The following RFX3 variants were observed in gnomAD, a reference collection of about 807,000 sequenced individuals.
The protein encoded by RFX3 is regulatory factor X3, also known as transcription factor RFX3.
A neutral mutation model predicts 98.6 loss-of-function variants in RFX3; 14 were observed. The observed-to-expected ratio is 0.14, with a 90% CI of 0.09 to 0.22. RFX3 has a LOEUF of 0.22. Among genes scored for constraint, RFX3 ranks in the 10% least tolerant of loss-of-function variants. RFX3 has a pLI of 1.00. For missense variants in RFX3, 639 were observed against 926.9 expected, an observed-to-expected ratio of 0.69 and a Z score of 4.03; for synonymous variants, 383 against 328.4, an observed-to-expected ratio of 1.17 and a Z score of -1.80.
chr9:3,393,455 G>C (rs957584086), intron 2 of RFX3, among the ~76,000 whole-genome samples: 1 of 152,220 alleles, frequency 6.6e-6, no homozygotes, highest in African/African-American at 2.4e-5. Context: ...TCACACTCTT[G>C]TTAGTGATAG....
chr9:3,248,406 G>A (rs898594700), intron 14 of RFX3, among the ~76,000 whole-genome samples: 1 of 152,158 alleles, frequency 6.6e-6, no homozygotes, highest in African/African-American at 2.4e-5. Flanking sequence ...ATTCAAGATA[G>A]ATAGTCTTAA....
chr9:3,318,733 C>T (rs1376183610), intron 4 of RFX3, among the ~76,000 whole-genome samples: 3 of 152,166 alleles, frequency 2.0e-5, no homozygotes, highest in Admixed American at 6.5e-5. Flanking sequence ...AGTTATTATG[C>T]TTTCAACCTG....
At chr9:3,337,339 T>C (rs1833307276) in intron 3 of RFX3, among the ~76,000 whole-genome samples, 1 of 152,202 alleles carries the variant, frequency 6.6e-6, no homozygotes, top group Non-Finnish European at 1.5e-5. Flanking sequence ...GCAGCCAGAA[T>C]GAGCAACTTT....
chr9:3,354,754 A>G lies in RFX3; in HGVS notation c.118-7990T>C, dbSNP rs553122054. ...GAATACTAGATGGAAACTGAGATCTACATAAAGAAATGAGAAACATCAGAA... is the reference window on the plus strand; with the variant it reads ...GAATACTAGATGGAAACTGAGATCTGCATAAAGAAATGAGAAACATCAGAA... On this transcript the variant is annotated intron_variant, in intron 2 of 16. Transcript: ENST00000617270. 1.1e-4 allele frequency among the ~76,000 whole-genome samples: 17 copies of G among 152,076 alleles called. No individual in the cohort carries two copies. The South Asian group carries it at 2.9e-3, about 26-fold the overall frequency.
In RFX3 at chr9:3,225,085, A is replaced by T; in HGVS notation, c.2207T>A (p.Ile736Asn). The T allele has an allele frequency of 3.7e-6, 6 of 1,613,966 alleles. No individual in the cohort carries two copies. Among genetic ancestry groups the T allele is most frequent in the Non-Finnish European group, 5.1e-6 (6 of 1,179,932 alleles). Residue 736 changes from isoleucine (I) to asparagine (N), a missense_variant, in exon 17 of 17, where the codon ATC becomes AAC. This residue lies in a region of RFX3 where 129 missense variants were observed against 124.6 expected (regional missense o/e 1.04). Coordinates refer to ENST00000617270, the MANE Select transcript of RFX3 (RefSeq NM_001282116.2). ...SEHIVTSTQTIRQCSATGNTY... is the reference protein window; with the variant it reads ...SEHIVTSTQTNRQCSATGNTY... Reference sequence around the variant, plus strand: ...ATTTCCTGTAGCGCTGCACTGTCTGATAGTCTGAGTACTTGTGACAATGTG... The same window carrying T: ...ATTTCCTGTAGCGCTGCACTGTCTGTTAGTCTGAGTACTTGTGACAATGTG...
Position 3,504,882 on chromosome 9 carries a change from T to C in RFX3, c.-9+20865A>G, listed in dbSNP as rs1307913978. Among the ~76,000 whole-genome samples the C allele has an allele frequency of 9.9e-5, 7 of 70,834 alleles. 1 individual carries two copies. Among genetic ancestry groups the C allele is most frequent in the East Asian group, 1.5e-3 (2 of 1,360 alleles). The allele number at this position is 70,834 out of a possible 152,430, so 46.5% of individuals were successfully genotyped here. A position where few individuals can be genotyped will look rare whatever the true frequency, so the allele number is the denominator to read the frequency against. On this transcript the variant is annotated intron_variant, in intron 1 of 16. Coordinates refer to ENST00000617270, the MANE Select transcript of RFX3 (RefSeq NM_001282116.2). The stretch of plus-strand genomic sequence containing the variant: ...GATATAATATATATTATATATATTA[T>C]ATATAATATAACATATATTATATAT...
intron 2 of RFX3, among the ~76,000 whole-genome samples, chr9:3,355,607 T>C (rs1835656792): frequency 6.6e-6 from 1 of 151,888 alleles, no homozygotes; most frequent in South Asian, 2.1e-4. Context: ...ATTGGAGACT[T>C]CAGCATTCTT....
intron 2 of RFX3, among the ~76,000 whole-genome samples, chr9:3,352,897 C>T (rs976509533): frequency 1.3e-5 from 2 of 151,920 alleles, no homozygotes; most frequent in Admixed American, 1.3e-4. Context: ...CACGTGCACA[C>T]GTATGTTTAT....
chr9:3,414,671 TGTATATATGAGTATATATGTATATATGA>T (rs1842753317), intron 1 of RFX3, among the ~76,000 whole-genome samples: 1 of 111,386 alleles, frequency 9.0e-6, no homozygotes, highest in Non-Finnish European at 1.7e-5. Context: ...TGAGTATATA[TGTATATATGAGTATATATGTATATATGA>T]GTATATATGA....
At chr9:3,388,502 G>A (rs1025540229) in intron 2 of RFX3, among the ~76,000 whole-genome samples, 1 of 152,002 alleles carries the variant, frequency 6.6e-6, no homozygotes, top group Non-Finnish European at 1.5e-5. Context: ...TAACCAAAAA[G>A]AAACCAATAT....
intron 1 of RFX3, among the ~76,000 whole-genome samples, chr9:3,443,709 G>T (rs951110817): frequency 6.6e-6 from 1 of 152,006 alleles, no homozygotes; most frequent in Admixed American, 6.6e-5. Flanking sequence ...ATATTCCCTT[G>T]GCTATATACC....
chr9:3,405,186 T>C (rs1327175252), intron 1 of RFX3, among the ~76,000 whole-genome samples: 1 of 152,060 alleles, frequency 6.6e-6, no homozygotes, highest in African/African-American at 2.4e-5. Flanking sequence ...GAAGTTTAAT[T>C]GCGTCCCTTT....
chr9:3,219,521 C>A lies in RFX3; in HGVS notation c.*5521G>T, dbSNP rs1189454024. ...GAACCAAATAAAAGAAGAGACAAAA[C>A]ACATTTTTCTTTTTAAAAAAACATA... On this transcript the variant is annotated 3_prime_UTR_variant, in exon 17 of 17. Transcript: ENST00000617270. 2.7e-5 allele frequency: 4 copies of A among 148,740 alleles called. No individual in the cohort carries two copies. In the East Asian group the frequency reaches 7.9e-4, roughly 29 times the overall value. 9.2% of individuals were successfully genotyped at this position (148,740 alleles called of 1,614,324 possible). A position where few individuals can be genotyped will look rare whatever the true frequency, so the allele number is the denominator to read the frequency against.
At chr9:3,441,651 C>G (rs1251053105) in intron 1 of RFX3, among the ~76,000 whole-genome samples, 1 of 151,736 alleles carries the variant, frequency 6.6e-6, no homozygotes, top group Non-Finnish European at 1.5e-5. Context: ...GAACGAGTAA[C>G]AAAATAACGT....
At chr9:3,506,688 A>G (rs1817133040) in intron 1 of RFX3, among the ~76,000 whole-genome samples, 2 of 151,856 alleles carry the variant, frequency 1.3e-5, no homozygotes. Flanking sequence ...ATGAGTCTAG[A>G]ATTTCACATA....
chr9:3,416,004 C>A (rs147088890), intron 1 of RFX3, among the ~76,000 whole-genome samples: 1 of 152,288 alleles, frequency 6.6e-6, no homozygotes, highest in South Asian at 2.1e-4. Context: ...TTAATCATTG[C>A]TTCTCTAACA....
At chr9:3,388,053 C>T (rs1339381982) in intron 2 of RFX3, among the ~76,000 whole-genome samples, 1 of 152,064 alleles carries the variant, frequency 6.6e-6, no homozygotes, top group Non-Finnish European at 1.5e-5. Context: ...AAAATCACTA[C>T]TGATTGCTTT....
intron 1 of RFX3, among the ~76,000 whole-genome samples, chr9:3,489,855 T>C (rs1850597476): frequency 6.6e-6 from 1 of 152,150 alleles, no homozygotes; most frequent in Non-Finnish European, 1.5e-5. Context: ...GCTCTTTCTT[T>C]ATTGTTCCTC....
intron 1 of RFX3, among the ~76,000 whole-genome samples, chr9:3,511,613 G>A (rs1380345061): frequency 1.3e-5 from 2 of 151,920 alleles, no homozygotes; most frequent in Non-Finnish European, 2.9e-5. Context: ...AAGATAGTTG[G>A]TTCTCTTCCC....
Sources: allele counts gnomAD v4.1 joint callset (sites outside exome capture counted in the v4.1 genomes callset), GRCh38; gene constraint gnomAD v4.1.1; regional missense constraint gnomAD v4.1.1; transcripts MANE v1.5; gene names NCBI Gene and HGNC (gene_info 2026-07-23, HGNC 2026-07-21).